The following TRHDE variants were observed in gnomAD, a reference collection of about 807,000 sequenced individuals.
TRHDE encodes thyrotropin releasing hormone degrading enzyme, also known as thyrotropin-releasing hormone-degrading ectoenzyme.
TRHDE carries 72 observed loss-of-function variants against 125.7 expected under a neutral mutation model. The observed-to-expected ratio is 0.57, with a 90% CI of 0.47 to 0.70. The LOEUF (loss-of-function observed/expected upper bound fraction) is 0.70. Among genes scored for constraint, TRHDE ranks in the 30% least tolerant of loss-of-function variants. The probability of loss-of-function intolerance (pLI) is 0.00; values close to 1 mark genes in which losing one functional copy is unlikely to be tolerated. For missense variants in TRHDE, 1,110 were observed against 1,327.1 expected (o/e 0.84, Z 2.54); for synonymous variants, 509 against 509.1 (o/e 1.00, Z 0.00).
At chr12:72,191,382 C>T (rs115990520) in intron 2 of TRHDE, among the ~76,000 whole-genome samples, 29 of 152,278 alleles carry the variant, frequency 1.9e-4, no homozygotes, top group African/African-American at 7.0e-4. Flanking sequence ...GAATCTCAGA[C>T]CACCTTCAGT....
intron 2 of TRHDE, among the ~76,000 whole-genome samples, chr12:72,165,309 C>A: frequency 6.6e-6 from 1 of 152,322 alleles, no homozygotes; most frequent in South Asian, 2.1e-4. Flanking sequence ...CTACCAACAT[C>A]TCACAAGCAC....
At chr12:72,108,486 T>C (rs567546143) in intron 2 of TRHDE, among the ~76,000 whole-genome samples, 9 of 152,220 alleles carry the variant, frequency 5.9e-5, no homozygotes, top group Non-Finnish European at 1.2e-4. Context: ...GTTTGCAAAA[T>C]GGACAGATGC....
At chr12:72,217,015 A>T (rs928390411) in intron 2 of TRHDE, among the ~76,000 whole-genome samples, 9 of 151,778 alleles carry the variant, frequency 5.9e-5, no homozygotes, top group Admixed American at 5.9e-4. Context: ...TGTTTATATG[A>T]GCAATTATAG....
At chr12:72,491,372 T>C (rs1342448358) in intron 5 of TRHDE, among the ~76,000 whole-genome samples, 1 of 151,906 alleles carries the variant, frequency 6.6e-6, no homozygotes, top group Non-Finnish European at 1.5e-5. Context: ...AGACCCAGGA[T>C]TATCATAATT....
chr12:72,496,371 C>A (rs1014760676), intron 5 of TRHDE, among the ~76,000 whole-genome samples: 7 of 152,286 alleles, frequency 4.6e-5, no homozygotes, highest in Middle Eastern at 3.4e-3. Context: ...TTCCACATGG[C>A]TGGAGAGGTC....
In TRHDE at chr12:72,273,140, C is replaced by T. The variant is rs1427058493; in HGVS notation, c.497C>T (p.Ser166Leu). The T allele has an allele frequency of 7.7e-6, 12 of 1,559,796 alleles. No individual in the cohort carries two copies. In the East Asian group the frequency reaches 2.3e-4, roughly 30 times the overall value. ...AGGVASPGTT[S>L]AQPPSEEERE... Reference sequence around the variant, plus strand: ...GGGGTGGCCAGTCCGGGGACCACGTCGGCCCAGCCGCCGTCGGAGGAGGAG... The same window carrying T: ...GGGGTGGCCAGTCCGGGGACCACGTTGGCCCAGCCGCCGTCGGAGGAGGAG... The change falls in exon 1 of 19, where the codon TCG (serine) becomes TTG (leucine). Residue 166 changes from serine to leucine, a missense_variant. Ser to Leu is a moderately radical substitution (Grantham distance 145). Transcript: ENST00000261180. This position sits in a 1 kb window ranked among gnomAD's most constrained non-coding sequence, Gnocchi z 5.3.
At chr12:72,528,533 T>C (rs2135971484) in intron 6 of TRHDE, among the ~76,000 whole-genome samples, 1 of 152,280 alleles carries the variant, frequency 6.6e-6, no homozygotes, top group East Asian at 1.9e-4. Context: ...CTTTTTTTTT[T>C]GAGACGGAGT....
chr12:72,192,724 C>T (rs1220919543), intron 2 of TRHDE, among the ~76,000 whole-genome samples: 1 of 152,070 alleles, frequency 6.6e-6, no homozygotes, highest in Non-Finnish European at 1.5e-5. Context: ...CTGAGTGTCA[C>T]AGAGTTGCTG....
rs548895630 is a variant in TRHDE, at chr12:72,273,672, G to A, written c.914+115G>A. On this transcript the variant is annotated intron_variant, in intron 1 of 18. Transcript: ENST00000261180. This position sits in a 1 kb window ranked among gnomAD's most constrained non-coding sequence, Gnocchi z 5.3. ...TTCCAATACCCGGGAAGCCAGGGGT[G>A]GGGGGAAGGAAACGAAAGCGGAGTA... is the stretch of plus-strand genomic sequence containing the variant. 10 of 1,040,034 alleles carry A rather than the reference G, an allele frequency of 9.6e-6. No individual in the cohort carries two copies. In the East Asian group the frequency reaches 1.4e-4, roughly 15 times the overall value. The allele number at this position is 1,040,034 out of a possible 1,614,324, so 64.4% of individuals were successfully genotyped here. A position where few individuals can be genotyped will look rare whatever the true frequency, so the allele number is the denominator to read the frequency against.
chr12:72,133,556 A>G (rs1875914540), intron 2 of TRHDE, among the ~76,000 whole-genome samples: 1 of 152,134 alleles, frequency 6.6e-6, no homozygotes, highest in Non-Finnish European at 1.5e-5. Flanking sequence ...TATACTATGT[A>G]TTTTTCCATC....
intron 2 of TRHDE, among the ~76,000 whole-genome samples, chr12:72,240,864 G>A (rs1440323642): frequency 2.0e-5 from 3 of 152,068 alleles, no homozygotes; most frequent in African/African-American, 7.2e-5. Context: ...GAGCCACCGC[G>A]CCTGGCCTCT....
At chr12:72,215,401 A>G (rs1284394639) in intron 2 of TRHDE, among the ~76,000 whole-genome samples, 1 of 152,176 alleles carries the variant, frequency 6.6e-6, no homozygotes, top group African/African-American at 2.4e-5. Context: ...ATCTGGGCGT[A>G]TATGTGCAGG....
In TRHDE at chr12:72,248,417, C is replaced by CAAAAAAA. The variant is rs34434650; in HGVS notation, n.280-129562_280-129556dup. 1.3e-4 allele frequency among the ~76,000 whole-genome samples: 7 copies of CAAAAAAA among 55,780 alleles called. 2 individuals are homozygous for CAAAAAAA. Among genetic ancestry groups the CAAAAAAA allele is most frequent in the East Asian group, 5.8e-4 (1 of 1,712 alleles). 36.6% of individuals were successfully genotyped at this position (55,780 alleles called of 152,430 possible). ...TGGGCAACAAAGCGAGACTCTGTCT[C>CAAAAAAA]AAAAAAAAAAAAAAAAAAAAAAGCG... On this transcript the variant is annotated intron_variant and non_coding_transcript_variant, in intron 2 of 4. Transcript: ENST00000548156.
intron 2 of TRHDE, among the ~76,000 whole-genome samples, chr12:72,299,380 G>C (rs1880421343): frequency 6.6e-6 from 1 of 152,130 alleles, no homozygotes; most frequent in Non-Finnish European, 1.5e-5. Context: ...AGACTTGCTG[G>C]GTCTGGGAGA....
chr12:72,379,467 G>C (rs1370109376), intron 3 of TRHDE, among the ~76,000 whole-genome samples: 1 of 152,126 alleles, frequency 6.6e-6, no homozygotes, highest in Non-Finnish European at 1.5e-5. Flanking sequence ...AGGAATACTT[G>C]ACCTCATTTG....
chr12:72,338,164 T>C lies in TRHDE; in HGVS notation c.1189-39831T>C, dbSNP rs370302502. ...TCTTTTTCTTGGCTATACTTATTTA[T>C]TAGATTGATGCCAAGCTTTTCCTCT... On this transcript the variant is annotated intron_variant, in intron 2 of 18. Coordinates refer to ENST00000261180, the MANE Select transcript of TRHDE (RefSeq NM_013381.3). Among the ~76,000 whole-genome samples, 58 of 152,320 alleles carry C rather than the reference T, an allele frequency of 3.8e-4. No homozygotes were observed. In the South Asian group the frequency reaches 0.011, roughly 29 times the overall value.
chr12:72,240,624 C>A (rs1270077980), intron 2 of TRHDE, among the ~76,000 whole-genome samples: 1 of 151,720 alleles, frequency 6.6e-6, no homozygotes, highest in Non-Finnish European at 1.5e-5. Context: ...GGCTGGAGTA[C>A]AGTGGCGCGA....
At chr12:72,105,424 G>C (rs1875164412) in intron 1 of TRHDE, among the ~76,000 whole-genome samples, 1 of 152,152 alleles carries the variant, frequency 6.6e-6, no homozygotes, top group Admixed American at 6.6e-5. Flanking sequence ...GAGCTGGTCT[G>C]TGTTTGGGAG....
intron 2 of TRHDE, among the ~76,000 whole-genome samples, chr12:72,236,214 T>C (rs1641171130): frequency 6.6e-6 from 1 of 152,204 alleles, no homozygotes; most frequent in Non-Finnish European, 1.5e-5. Flanking sequence ...AGATTAAGCC[T>C]ATTCTTCTGT....
Sources: gnomAD v4.1 joint callset for allele counts (sites outside exome capture counted in the v4.1 genomes callset) on GRCh38, gnomAD v4.1.1 for gene constraint, Gnocchi (gnomAD v3.1) non-coding constraint, MANE v1.5 for transcripts, NCBI Gene and HGNC (gene_info 2026-07-23, HGNC 2026-07-21) for gene names.